The following CDC42SE2 variants were observed in gnomAD, a reference collection of about 807,000 sequenced individuals.
CDC42SE2 encodes the protein CDC42 small effector 2, also known as CDC42 small effector protein 2.
A neutral mutation model predicts 11.5 loss-of-function variants in CDC42SE2; 3 were observed. The ratio of observed to expected loss-of-function variants is 0.26; its 90% CI spans 0.12 to 0.67. CDC42SE2 has a LOEUF of 0.67. CDC42SE2 is among the 30% of genes least tolerant of loss of function. The pLI is 0.80. For missense variants in CDC42SE2, 82 were observed against 106.8 expected (o/e 0.77, Z 1.02); for synonymous variants, 33 against 34.8 (o/e 0.95, Z 0.18).
At chr5:131,264,291 T>G (rs1254578419) in intron 1 of CDC42SE2, 125 bp downstream of exon 1, 1 of 152,268 alleles carries the variant, frequency 6.6e-6, no homozygotes, top group Non-Finnish European at 1.5e-5. Flanking sequence ...CGGCCCGGCC[T>G]TGCCAGCCGC....
At chr5:131,293,572 C>CAAAA (rs57767937) in intron 1 of CDC42SE2, among the ~76,000 whole-genome samples, 15 of 101,198 alleles carry the variant, frequency 1.5e-4, no homozygotes, top group South Asian at 3.1e-4. Context: ...AACTCCGTCT[C>CAAAA]AAAAAAAAAA....
At chr5:131,377,242 C>G (rs1007763085) in intron 3 of CDC42SE2, among the ~76,000 whole-genome samples, 7 of 150,300 alleles carry the variant, frequency 4.7e-5, no homozygotes, top group South Asian at 2.1e-4. Context: ...GATCTTGACT[C>G]ACTGCAACGT....
intron 3 of CDC42SE2, among the ~76,000 whole-genome samples, chr5:131,363,942 G>C (rs1749783706): frequency 1.3e-5 from 2 of 151,978 alleles, no homozygotes; most frequent in Middle Eastern, 6.8e-3. Context: ...TGATCCTCCT[G>C]CCTCAGCCTT....
chr5:131,307,804 T>C (rs1429380673), intron 1 of CDC42SE2, among the ~76,000 whole-genome samples: 1 of 152,236 alleles, frequency 6.6e-6, no homozygotes. Context: ...GATTTGCATT[T>C]CTCTGATGGC....
intron 4 of CDC42SE2, among the ~76,000 whole-genome samples, chr5:131,389,399 TA>T (rs1252742145): frequency 6.6e-6 from 1 of 152,248 alleles, no homozygotes; most frequent in Non-Finnish European, 1.5e-5. Flanking sequence ...GTCATTTTAT[TA>T]ATCTGACTAT....
intron 3 of CDC42SE2, among the ~76,000 whole-genome samples, chr5:131,381,234 T>C (rs1750312045): frequency 1.3e-5 from 2 of 152,208 alleles, no homozygotes; most frequent in Non-Finnish European, 2.9e-5. Flanking sequence ...GCACACTCTC[T>C]GCTGAAATCT....
chr5:131,342,001 G>T (rs908928013), intron 2 of CDC42SE2, among the ~76,000 whole-genome samples: 10 of 152,010 alleles, frequency 6.6e-5, no homozygotes, highest in Admixed American at 6.6e-5. Context: ...TTAATACCAC[G>T]CTGGGCACGG....
At chr5:131,310,932 T>C (rs200695458) in intron 1 of CDC42SE2, among the ~76,000 whole-genome samples, 1 of 151,648 alleles carries the variant, frequency 6.6e-6, no homozygotes, top group Admixed American at 6.6e-5. Flanking sequence ...GAGCATTTAG[T>C]CCATTTACAT....
chr5:131,269,917 C>T (rs982713498), intron 1 of CDC42SE2, among the ~76,000 whole-genome samples: 6 of 151,510 alleles, frequency 4.0e-5, no homozygotes, highest in East Asian at 1.9e-4. Flanking sequence ...AAGAGTTAGC[C>T]GGGCGCGGTG....
chr5:131,310,059 T>C (rs1757869458), intron 1 of CDC42SE2, among the ~76,000 whole-genome samples: 1 of 152,234 alleles, frequency 6.6e-6, no homozygotes, highest in African/African-American at 2.4e-5. Context: ...TTTTGGATCT[T>C]TCCTGCTTTC....
chr5:131,238,620 T>A, the CDC42SE2 span, among the ~76,000 whole-genome samples: 1 of 148,888 alleles, frequency 6.7e-6, no homozygotes, highest in African/African-American at 2.5e-5. Flanking sequence ...AGTAAAAAAA[T>A]AATAATAAAA....
intron 1 of CDC42SE2, among the ~76,000 whole-genome samples, chr5:131,297,029 T>C (rs1225973652): frequency 6.6e-6 from 1 of 152,120 alleles, no homozygotes; most frequent in Non-Finnish European, 1.5e-5. Flanking sequence ...TTTCTCTAAG[T>C]TGTAAAATAA....
chr5:131,236,066 A>G, the CDC42SE2 span, among the ~76,000 whole-genome samples: 1 of 152,166 alleles, frequency 6.6e-6, no homozygotes, highest in Non-Finnish European at 1.5e-5. Context: ...TTCACATCGT[A>G]TGTCCTTTCC....
intron 3 of CDC42SE2, among the ~76,000 whole-genome samples, chr5:131,366,309 GGTTCTGGTGTTCCA>G (rs1189108976): frequency 2.6e-5 from 4 of 152,194 alleles, no homozygotes; most frequent in African/African-American, 9.7e-5. Flanking sequence ...GGAACAGACA[GGTTCTGGTGTTCCA>G]GTACTGTTGT....
chr5:131,259,118 A>G (rs115071572), upstream of CDC42SE2, among the ~76,000 whole-genome samples: 1,610 of 151,770 alleles, frequency 0.011, 27 homozygotes, highest in African/African-American at 0.037. Context: ...ATTTTTCTCA[A>G]TCTTCCCAAA....
chr5:131,342,545 T>C (rs1340558769), intron 2 of CDC42SE2, among the ~76,000 whole-genome samples: 2 of 150,464 alleles, frequency 1.3e-5, no homozygotes, highest in Admixed American at 1.3e-4. Flanking sequence ...CCCGCCACTA[T>C]GCCCAGCTAA....
intron 3 of CDC42SE2, among the ~76,000 whole-genome samples, chr5:131,368,941 A>G (rs772968809): frequency 2.6e-5 from 4 of 152,268 alleles, no homozygotes; most frequent in Non-Finnish European, 5.9e-5. Flanking sequence ...TATAAAAGTT[A>G]TGAAACAAAT....
intron 2 of CDC42SE2, among the ~76,000 whole-genome samples, chr5:131,320,544 C>T (rs1231525553): frequency 6.6e-6 from 1 of 152,028 alleles, no homozygotes; most frequent in Non-Finnish European, 1.5e-5. Context: ...GAGTTTGAGA[C>T]CAGCCTGGTC....
chr5:131,338,714 T>C (rs1758636526), intron 2 of CDC42SE2, among the ~76,000 whole-genome samples: 1 of 152,214 alleles, frequency 6.6e-6, no homozygotes, highest in African/African-American at 2.4e-5. Context: ...CTAGAGATAC[T>C]GAGCGGAGGG....
Sources: gnomAD v4.1 joint callset for allele counts (sites outside exome capture counted in the v4.1 genomes callset) on GRCh38, gnomAD v4.1.1 for gene constraint, MANE v1.5 for transcripts, NCBI Gene and HGNC (gene_info 2026-07-23, HGNC 2026-07-21) for gene names.